Variants in FANCM observed in about 807,000 individuals in gnomAD.
The protein encoded by FANCM is FA complementation group M.
In FANCM, 140 loss-of-function variants were observed where a neutral mutation model predicts 199.5. The ratio of observed to expected loss-of-function variants is 0.70; its 90% CI spans 0.61 to 0.81. The LOEUF (loss-of-function observed/expected upper bound fraction) is 0.81. Ranked by LOEUF, FANCM falls within the 30% of genes least tolerant of loss-of-function variation. The pLI, the probability that FANCM is intolerant of heterozygous loss-of-function variation, is 0.00. For missense variants in FANCM, 2,410 were observed against 2,421.4 expected (o/e 1.00, Z 0.10); for synonymous variants, 840 against 836.8 (o/e 1.00, Z -0.07).
intron 20 of FANCM, 121 bp from the exon 21 acceptor site, chr14:45,196,051 G>T: frequency 1.0e-6 from 1 of 989,704 alleles, no homozygotes; most frequent in Non-Finnish European, 1.6e-6. Flanking sequence ...TTGTCACTTT[G>T]GTCAAATTGA....
intron 9 of FANCM, among the ~76,000 whole-genome samples, chr14:45,160,468 G>A (rs932071345): frequency 6.6e-6 from 1 of 151,744 alleles, no homozygotes; most frequent in African/African-American, 2.4e-5. Flanking sequence ...GACTACAGGT[G>A]CCCACCACCA....
intron 5 of FANCM, among the ~76,000 whole-genome samples, chr14:45,151,755 T>C (rs1372002473): frequency 6.6e-6 from 1 of 151,968 alleles, no homozygotes; most frequent in Non-Finnish European, 1.5e-5. Context: ...TGAGGCCCTG[T>C]CTCTGCAAAT....
chr14:45,189,429 G>T, intron 20 of FANCM, 67 bp downstream of exon 20: 1 of 1,308,400 alleles, frequency 7.6e-7, no homozygotes, highest in Admixed American at 1.8e-5. Flanking sequence ...TCTTTCTTGT[G>T]TGTGTGTTTT....
Position 45,181,416 on chromosome 14 carries a change from A to C in FANCM, c.4223-14A>C, listed in dbSNP as rs749292141. 6 of 1,449,324 alleles carry C rather than the reference A, an allele frequency of 4.1e-6. No homozygotes were observed. The highest frequency in any genetic ancestry group is 5.8e-6 in the Non-Finnish European group (6 of 1,034,460). The allele number at this position is 1,449,324 out of a possible 1,614,324, so 89.8% of individuals were successfully genotyped here. A position where few individuals can be genotyped will look rare whatever the true frequency, so the allele number is the denominator to read the frequency against. On this transcript the variant is annotated splice_polypyrimidine_tract_variant and intron_variant, in intron 14 of 22. Transcript: ENST00000267430. ...ATCTATTAACCATTCATTATTTTAA[A>C]AAATAAATTATAGATGGACAATTAT...
Position 45,198,776 on chromosome 14 carries a change from T to C in FANCM, c.5849T>C (p.Leu1950Ser), listed in dbSNP as rs559661870. The change falls in exon 22 of 23, where the codon TTA (leucine) becomes TCA (serine). Residue 1950 changes from leucine (L) to serine (S), a missense_variant. Physicochemically the swap from Leu to Ser is moderately radical, Grantham distance 145. Coordinates refer to ENST00000267430, the MANE Select transcript of FANCM (RefSeq NM_020937.4). ...GCAGATTTGCTAAAGGAACTGTCTTTAGTGGAACAAAGAAAGAATGTTGGT... is the reference window on the plus strand; with the variant it reads ...GCAGATTTGCTAAAGGAACTGTCTTCAGTGGAACAAAGAAAGAATGTTGGT... ...ETADLLKELS[L>S]VEQRKNVGIH... 7 of 1,614,080 alleles carry C rather than the reference T, an allele frequency of 4.3e-6. No individual in the cohort carries two copies. In the African/African-American group the frequency reaches 6.7e-5, roughly 15 times the overall value.
At chr14:45,142,314 T>C (rs899561114) in intron 3 of FANCM, among the ~76,000 whole-genome samples, 2 of 151,142 alleles carry the variant, frequency 1.3e-5, no homozygotes, top group Non-Finnish European at 2.9e-5. Flanking sequence ...TTTTCTTTTT[T>C]TTTTTTTTTT....
intron 9 of FANCM, among the ~76,000 whole-genome samples, chr14:45,163,846 C>A (rs1473576536): frequency 6.6e-6 from 1 of 152,142 alleles, no homozygotes; most frequent in Admixed American, 6.5e-5. Context: ...ATTACTAAAG[C>A]AAAATAATTA....
Position 45,167,177 on chromosome 14 carries a change from G to T in FANCM, c.2002+14G>T, listed in dbSNP as rs1210577851. 1 of 1,500,978 alleles carries T rather than the reference G, an allele frequency of 6.7e-7. No individual in the cohort carries two copies. Among genetic ancestry groups the T allele is most frequent in the East Asian group, 2.3e-5 (1 of 44,330 alleles). 93.0% of individuals were successfully genotyped at this position (1,500,978 alleles called of 1,614,324 possible). A position where few individuals can be genotyped will look rare whatever the true frequency, so the allele number is the denominator to read the frequency against. On this transcript the variant is annotated intron_variant, in intron 11 of 22. Transcript: ENST00000267430. ...CCTATAGGGATGGTAAATAAATTTT[G>T]CATTTGACACATGCATTTTTCCCCT...
rs1248592858 is a variant in FANCM, at chr14:45,176,480, T to C, written c.3726T>C (p.Asp1242=). The C allele has an allele frequency of 3.1e-6, 5 of 1,609,604 alleles. No homozygotes were observed. In the Admixed American group the frequency reaches 6.7e-5, roughly 22 times the overall value. ...FDLGFCSPDS[D]DEILEHTSDS... ...TAGGATTCTGTAGTCCAGATTCTGATGATGAAATATTGGAACATACATCAG... is the reference window on the plus strand; with the variant it reads ...TAGGATTCTGTAGTCCAGATTCTGACGATGAAATATTGGAACATACATCAG... The change falls in exon 14 of 23, where the codon GAT becomes GAC. Residue 1242 remains aspartate (D), a synonymous_variant. Transcript: ENST00000267430.
intron 17 of FANCM, among the ~76,000 whole-genome samples, chr14:45,184,776 CT>C (rs764598561): frequency 2.7e-3 from 351 of 132,164 alleles, no homozygotes; most frequent in Middle Eastern, 7.6e-3. Context: ...TTGGGATTTT[CT>C]TTTTTTTTTT....
At chr14:45,148,662 G>A (rs1443741098) in intron 3 of FANCM, among the ~76,000 whole-genome samples, 175 bp from the exon 4 acceptor site, 1 of 152,078 alleles carries the variant, frequency 6.6e-6, no homozygotes, top group African/African-American at 2.4e-5. Context: ...TTCACCTGTT[G>A]TGCTACTTCT....
chr14:45,146,327 C>G (rs1427632920), intron 3 of FANCM, among the ~76,000 whole-genome samples: 12 of 150,932 alleles, frequency 8.0e-5, no homozygotes, highest in Admixed American at 5.9e-4. Context: ...ACTGTGATTG[C>G]TCACTTGATT....
intron 3 of FANCM, among the ~76,000 whole-genome samples, chr14:45,145,688 G>C (rs1013496312): frequency 6.6e-6 from 1 of 152,182 alleles, no homozygotes; most frequent in African/African-American, 2.4e-5. Context: ...ACTTTGGGAG[G>C]CCAAGGCAGG....
At chr14:45,199,389 T>C (rs1235445690) in intron 22 of FANCM, among the ~76,000 whole-genome samples, 1 of 152,212 alleles carries the variant, frequency 6.6e-6, no homozygotes, top group Admixed American at 6.5e-5. Context: ...ACAACACAAA[T>C]TTATTTCTGC....
At chr14:45,186,212 A>G (rs1889391595) in intron 18 of FANCM, among the ~76,000 whole-genome samples, 1 of 152,208 alleles carries the variant, frequency 6.6e-6, no homozygotes, top group Non-Finnish European at 1.5e-5. Context: ...ATTTTAAATA[A>G]GGCAGTTAGG....
chr14:45,187,104 T>C (rs965560295), intron 18 of FANCM, among the ~76,000 whole-genome samples: 3 of 152,154 alleles, frequency 2.0e-5, no homozygotes, highest in African/African-American at 7.2e-5. Context: ...ATATTTGCTG[T>C]TATGTTATTG....
chr14:45,137,006 C>T lies in FANCM; in HGVS notation c.509-63C>T, dbSNP rs772770014. The T allele has an allele frequency of 5.6e-6, 7 of 1,253,938 alleles. No homozygotes were observed. The African/African-American group carries it at 1.1e-4, about 19-fold the overall frequency. The allele number at this position is 1,253,938 out of a possible 1,614,324, so 77.7% of individuals were successfully genotyped here. A position where few individuals can be genotyped will look rare whatever the true frequency, so the allele number is the denominator to read the frequency against. On this transcript the variant is annotated intron_variant, in intron 1 of 22. Transcript: ENST00000267430. ...ATGTTTGCATTCTGAAAAAGCCAGA[C>T]TATTTATATTTTATAGATAACAGTC... is the stretch of plus-strand genomic sequence containing the variant.
chr14:45,166,949 G>T lies in FANCM; in HGVS notation c.1789-1G>T, dbSNP rs749292686. On this transcript the variant is annotated splice_acceptor_variant, in intron 10 of 22. Transcript: ENST00000267430. LOFTEE classifies it high-confidence loss of function. ...CTGACATTTTCTATTTGTTTTTACA[G>T]ATTTATAATCAGAGTCAGTCCAACA... The T allele has an allele frequency of 6.9e-7, 1 of 1,455,378 alleles. No homozygotes were observed. The highest frequency in any genetic ancestry group is 1.7e-5 in the Admixed American group (1 of 59,660). 90.2% of individuals were successfully genotyped at this position (1,455,378 alleles called of 1,614,324 possible).
At position 45,136,191 on chromosome 14, in the gene FANCM, G is replaced by A. The variant is rs2139100721; in HGVS notation, c.160G>A (p.Asp54Asn). The A allele has an allele frequency of 6.2e-7, 1 of 1,614,184 alleles. No individual in the cohort carries two copies. Among genetic ancestry groups the A allele is most frequent in the Non-Finnish European group, 8.5e-7 (1 of 1,180,044 alleles). ...AAAEAQLESD[D>N]DVLLVAAYEA... ...AGCGGAGGCTCAGCTGGAGTCGGAC[G>A]ATGATGTGTTGCTTGTCGCGGCGTA... Residue 54 changes from aspartate (D) to asparagine (N), a missense_variant, in exon 1 of 23, where the codon GAT (aspartate) becomes AAT (asparagine). Asp to Asn is a conservative substitution (Grantham distance 23). Coordinates refer to ENST00000267430, the MANE Select transcript of FANCM (RefSeq NM_020937.4).
Sources: allele counts gnomAD v4.1 joint callset (sites outside exome capture counted in the v4.1 genomes callset), GRCh38; gene constraint gnomAD v4.1.1; transcripts MANE v1.5; gene names NCBI Gene and HGNC (gene_info 2026-07-23, HGNC 2026-07-21).